The following SH3BP5L variants were observed in gnomAD, a reference collection of about 807,000 sequenced individuals.
SH3BP5L encodes the protein SH3 domain-binding protein 5-like.
A neutral mutation model predicts 40.9 loss-of-function variants in SH3BP5L; 16 were observed. The observed-to-expected ratio is 0.39, with a 90% CI of 0.27 to 0.59. SH3BP5L has a LOEUF of 0.59. Among genes scored for constraint, SH3BP5L ranks in the 20% least tolerant of loss-of-function variants. The pLI is 0.53. For missense variants in SH3BP5L, 471 were observed against 544.6 expected, an observed-to-expected ratio of 0.86 and a Z score of 1.35; for synonymous variants, 229 against 226.7, an observed-to-expected ratio of 1.01 and a Z score of -0.09.
At chr1:248,820,899 A>C (rs1028981699) in intron 2 of SH3BP5L, 5 of 152,242 alleles carry the variant, frequency 3.3e-5, no homozygotes, top group African/African-American at 1.2e-4. Flanking sequence ...ATGGCTCAGC[A>C]TAAGTTGTTA....
intron 4 of SH3BP5L, chr1:248,814,882 G>A: frequency 1.8e-6 from 1 of 541,588 alleles, no homozygotes; most frequent in Non-Finnish European, 3.4e-6. Flanking sequence ...TTTCCCCTAG[G>A]GAAAACAAAG....
At chr1:248,815,034 T>C (rs189735965) in intron 4 of SH3BP5L, among the ~76,000 whole-genome samples, 398 of 152,338 alleles carry the variant, frequency 2.6e-3, no homozygotes, top group African/African-American at 9.2e-3. Flanking sequence ...ACAGTCATCA[T>C]AGCCATACCA....
intron 4 of SH3BP5L, 92 bp from the exon 5 acceptor site, chr1:248,814,702 A>C: frequency 7.6e-7 from 1 of 1,308,202 alleles, no homozygotes; most frequent in Non-Finnish European, 1.1e-6. Context: ...GAGAAGGAGG[A>C]AGGCCTACTA....
intron 5 of SH3BP5L, chr1:248,814,165 A>G: frequency 2.2e-6 from 1 of 463,920 alleles, no homozygotes; most frequent in Non-Finnish European, 3.9e-6. Flanking sequence ...GTGAATGTTG[A>G]ATCCTCAGTA....
rs905305690 is a variant in SH3BP5L at position 248,812,699 on chromosome 1, A to G, written c.711+290T>C. On this transcript the variant is annotated intron_variant, in intron 6 of 6. Transcript: ENST00000366472. This position sits in a 1 kb window ranked among gnomAD's most constrained non-coding sequence, Gnocchi z 6.1. Reference sequence around the variant, plus strand: ...TCTCCCCACTGTTCCCTTTCACCCAATGGCTGGTTCTTCTTCCCCATCCCA... The same window carrying G: ...TCTCCCCACTGTTCCCTTTCACCCAGTGGCTGGTTCTTCTTCCCCATCCCA... 1.3e-5 allele frequency among the ~76,000 whole-genome samples: 2 copies of G among 151,878 alleles called. No individual in the cohort carries two copies. Among genetic ancestry groups the G allele is most frequent in the South Asian group, 4.2e-4 (2 of 4,798 alleles).
chr1:248,817,111 G>A (rs1664130949), intron 2 of SH3BP5L: 2 of 1,425,104 alleles, frequency 1.4e-6, no homozygotes, highest in Admixed American at 2.0e-5. Flanking sequence ...CTTGTATTGG[G>A]TAGTAAAACC....
Position 248,814,656 on chromosome 1 carries a change from G to A in SH3BP5L, c.376-46C>T, listed in dbSNP as rs1373740756. 5.0e-6 allele frequency: 8 copies of A among 1,596,138 alleles called. No individual in the cohort carries two copies. The African/African-American group carries it at 8.0e-5, about 16-fold the overall frequency. ...GGATGGGGAACCCTGAGGGACCCCA[G>A]CTGCCCATGGAGACCCATAATAGAC... On this transcript the variant is annotated intron_variant, in intron 4 of 6. Coordinates refer to ENST00000366472, the MANE Select transcript of SH3BP5L (RefSeq NM_030645.3).
rs539841689 is a variant in SH3BP5L, at chr1:248,825,253, G to C, written c.-318C>G. Reference sequence around the variant, plus strand: ...GGGCTTGGATCCTGGACCGAGGCCTGCTAGGAGGAGCACCATTCGGGAGGG... The same window carrying C: ...GGGCTTGGATCCTGGACCGAGGCCTCCTAGGAGGAGCACCATTCGGGAGGG... On this transcript the variant is annotated 5_prime_UTR_variant, in exon 2 of 7. Coordinates refer to ENST00000366472, the MANE Select transcript of SH3BP5L (RefSeq NM_030645.3). 2.6e-5 allele frequency: 28 copies of C among 1,086,122 alleles called. No homozygotes were observed. In the East Asian group the frequency reaches 1.7e-3, roughly 64 times the overall value. The allele number at this position is 1,086,122 out of a possible 1,614,324, so 67.3% of individuals were successfully genotyped here. A position where few individuals can be genotyped will look rare whatever the true frequency, so the allele number is the denominator to read the frequency against.
chr1:248,824,731 T>C (rs1413847585), intron 2 of SH3BP5L, 22 bp downstream of exon 2: 1 of 1,611,780 alleles, frequency 6.2e-7, no homozygotes, highest in South Asian at 1.1e-5. Context: ...TCTCCTTCTC[T>C]CCCTGCTCTC....
chr1:248,825,749 C>T, intron 1 of SH3BP5L, 86 bp downstream of exon 1: 1 of 435,546 alleles, frequency 2.3e-6, no homozygotes, highest in Non-Finnish European at 3.1e-6. Flanking sequence ...CTCCCGTCTC[C>T]AATTCCACAC....
At position 248,825,244 on chromosome 1, in the gene SH3BP5L, C is replaced by T; in HGVS notation, c.-309G>A. On this transcript the variant is annotated 5_prime_UTR_variant, in exon 2 of 7. Transcript: ENST00000366472. Reference sequence around the variant, plus strand: ...GGGCAAAGGGGGCTTGGATCCTGGACCGAGGCCTGCTAGGAGGAGCACCAT... The same window carrying T: ...GGGCAAAGGGGGCTTGGATCCTGGATCGAGGCCTGCTAGGAGGAGCACCAT... 1.8e-6 allele frequency: 2 copies of T among 1,105,576 alleles called. No homozygotes were observed. Among genetic ancestry groups the T allele is most frequent in the Non-Finnish European group, 2.2e-6 (2 of 904,992 alleles). The allele number at this position is 1,105,576 out of a possible 1,614,324, so 68.5% of individuals were successfully genotyped here. A position where few individuals can be genotyped will look rare whatever the true frequency, so the allele number is the denominator to read the frequency against.
At position 248,821,762 on chromosome 1, in the gene SH3BP5L, C is replaced by G. The variant is rs1052691560; in HGVS notation, c.183+2991G>C. Among the ~76,000 whole-genome samples the G allele has an allele frequency of 6.6e-6, 1 of 152,082 alleles. No homozygotes were observed. Among genetic ancestry groups the G allele is most frequent in the Non-Finnish European group, 1.5e-5 (1 of 68,008 alleles). On this transcript the variant is annotated intron_variant, in intron 2 of 6. Coordinates refer to ENST00000366472, the MANE Select transcript of SH3BP5L (RefSeq NM_030645.3). The surrounding 1 kb of genome is among the most constrained non-coding windows in gnomAD (Gnocchi z 4.6). ...CCACTAAGATCATGACAAGGAGACA[C>G]AGCCAGCAGCCTTCCCTGGAGGGAC...
At chr1:248,824,032 C>T (rs1218970532) in intron 2 of SH3BP5L, among the ~76,000 whole-genome samples, 1 of 152,188 alleles carries the variant, frequency 6.6e-6, no homozygotes, top group Admixed American at 6.5e-5. Context: ...GTCTCCTACA[C>T]AAAGATCTGC....
At chr1:248,816,905 A>G in intron 2 of SH3BP5L, 21 bp from the exon 3 acceptor site, 1 of 1,614,132 alleles carries the variant, frequency 6.2e-7, no homozygotes, top group Non-Finnish European at 8.5e-7. Context: ...GAGGGGTGGC[A>G]AATTAGTGCA....
intron 1 of SH3BP5L, 163 bp downstream of exon 1, chr1:248,825,672 C>T (rs1664362305): frequency 5.5e-6 from 1 of 182,996 alleles, no homozygotes; most frequent in Non-Finnish European, 1.0e-5. Context: ...CCCAGCCCGG[C>T]TTTGCGATTC....
Position 248,812,429 on chromosome 1 carries a change from A to G in SH3BP5L, c.712-59T>C. 7.5e-7 allele frequency: 1 copy of G among 1,340,332 alleles called. No individual in the cohort carries two copies. The highest frequency in any genetic ancestry group is 1.0e-6 in the Non-Finnish European group (1 of 954,548). 83.0% of individuals were successfully genotyped at this position (1,340,332 alleles called of 1,614,324 possible). On this transcript the variant is annotated intron_variant, in intron 6 of 6. Transcript: ENST00000366472. This position sits in a 1 kb window ranked among gnomAD's most constrained non-coding sequence, Gnocchi z 6.1. Reference sequence around the variant, plus strand: ...GGGGCACGTCTCCACCTTCCTCAGCACTCTGCACTGAGGTCTGAGGGCCTG... The same window carrying G: ...GGGGCACGTCTCCACCTTCCTCAGCGCTCTGCACTGAGGTCTGAGGGCCTG...
chr1:248,816,897 G>C lies in SH3BP5L; in HGVS notation c.184-13C>G. 1 of 1,614,102 alleles carries C rather than the reference G, an allele frequency of 6.2e-7. No homozygotes were observed. Among genetic ancestry groups the C allele is most frequent in the South Asian group, 1.1e-5 (1 of 91,078 alleles). On this transcript the variant is annotated splice_polypyrimidine_tract_variant and intron_variant, in intron 2 of 6. Coordinates refer to ENST00000366472, the MANE Select transcript of SH3BP5L (RefSeq NM_030645.3). The stretch of plus-strand genomic sequence containing the variant: ...GCTCCAACTCCTCCTGCCACAGAGA[G>C]GGGTGGCAAATTAGTGCAGTGGAAG...
chr1:248,811,740 G>C lies in SH3BP5L; in HGVS notation c.*160C>G. The C allele has an allele frequency of 5.1e-6, 3 of 593,312 alleles. No homozygotes were observed. The South Asian group carries it at 6.5e-5, about 13-fold the overall frequency. 36.8% of individuals were successfully genotyped at this position (593,312 alleles called of 1,614,324 possible). On this transcript the variant is annotated 3_prime_UTR_variant, in exon 7 of 7. Transcript: ENST00000366472. ...AAGGGGGAGGCTGTGAGAACGCCAG[G>C]GCAGGCACAGAGGACTCGAACACAG...
chr1:248,816,994 T>C (rs564491992), intron 2 of SH3BP5L, 110 bp from the exon 3 acceptor site: 17 of 1,586,692 alleles, frequency 1.1e-5, no homozygotes, highest in South Asian at 2.3e-5. Flanking sequence ...CCCAGGGAAA[T>C]GAGGTGAGAC....
Sources: gnomAD v4.1 joint callset for allele counts (sites outside exome capture counted in the v4.1 genomes callset) on GRCh38, gnomAD v4.1.1 for gene constraint, Gnocchi (gnomAD v3.1) non-coding constraint, MANE v1.5 for transcripts, NCBI Gene and HGNC (gene_info 2026-07-23, HGNC 2026-07-21) for gene names.